Variants in CRYM observed in about 807,000 individuals in gnomAD.
The protein encoded by CRYM is ketimine reductase mu-crystallin.
A neutral mutation model predicts 32.9 loss-of-function variants in CRYM; 18 were observed. The ratio of observed to expected loss-of-function variants is 0.55; its 90% CI spans 0.38 to 0.81. CRYM has a LOEUF of 0.81. Among genes scored for constraint, CRYM ranks in the 30% least tolerant of loss-of-function variants. CRYM has a pLI of 0.00. For missense variants in CRYM, 337 were observed against 393.5 expected (o/e 0.86, Z 1.21); for synonymous variants, 153 against 152.4 (o/e 1.00, Z -0.03).
At chr16:21,278,008 C>T (rs995516412) in intron 1 of CRYM, 74 bp downstream of exon 1, 2 of 1,465,800 alleles carry the variant, frequency 1.4e-6, no homozygotes, top group Admixed American at 2.0e-5. Flanking sequence ...CCTTCTCCCA[C>T]CCCTCCTCTT....
Position 21,262,141 on chromosome 16 carries a change from G to T in CRYM, c.691C>A (p.Pro231Thr). The T allele has an allele frequency of 6.2e-7, 1 of 1,614,102 alleles. No individual in the cohort carries two copies. Among genetic ancestry groups the T allele is most frequent in the Non-Finnish European group, 8.5e-7 (1 of 1,179,990 alleles). ...AHINAVGASR[P>T]DWRELDDELM... is the part of the protein sequence containing the mutation. Reference sequence around the variant, plus strand: ...TCATCATCCAGTTCTCTCCAGTCAGGTCTGCTGGCTCCAACAGCTAAGAGA... The same window carrying T: ...TCATCATCCAGTTCTCTCCAGTCAGTTCTGCTGGCTCCAACAGCTAAGAGA... Residue 231 changes from proline (P) to threonine (T), a missense_variant, in exon 6 of 8, where the codon CCT becomes ACT. Physicochemically the swap from Pro to Thr is conservative, Grantham distance 38. Coordinates refer to ENST00000572914, the MANE Select transcript of CRYM (RefSeq NM_001376256.1).
Position 21,262,017 on chromosome 16 carries a change from T to C in CRYM, c.795+20A>G, listed in dbSNP as rs1567231094. Reference sequence around the variant, plus strand: ...AGGCCAGCCAGGTGGCAGCCCTGACTGGGGTCAGAAGGGCCTCACCCCTGA... The same window carrying C: ...AGGCCAGCCAGGTGGCAGCCCTGACCGGGGTCAGAAGGGCCTCACCCCTGA... On this transcript the variant is annotated intron_variant, in intron 6 of 7. Coordinates refer to ENST00000572914, the MANE Select transcript of CRYM (RefSeq NM_001376256.1). 1.9e-6 allele frequency: 3 copies of C among 1,613,468 alleles called. No homozygotes were observed. The highest frequency in any genetic ancestry group is 1.3e-5 in the African/African-American group (1 of 74,922).
At chr16:21,264,861 C>T (rs9935333) in intron 5 of CRYM, among the ~76,000 whole-genome samples, 9 of 152,100 alleles carry the variant, frequency 5.9e-5, no homozygotes, top group Non-Finnish European at 1.0e-4. Context: ...GGGCTCCCCC[C>T]ATCCTCCAGT....
In CRYM at chr16:21,277,603, CA is replaced by C; in HGVS notation, c.171-20del. On this transcript the variant is annotated intron_variant, in intron 1 of 7. Transcript: ENST00000572914. The surrounding 1 kb of genome is among the most constrained non-coding windows in gnomAD (Gnocchi z 4.2). ...CAGGTAGCTACAAGGAGAGAGGGAGCAGCTTCAGCCCCTTCCCATCAATGCT... is the reference window on the plus strand; with the variant it reads ...CAGGTAGCTACAAGGAGAGAGGGAGCGCTTCAGCCCCTTCCCATCAATGCT... 9 of 1,612,950 alleles carry C rather than the reference CA, an allele frequency of 5.6e-6. No individual in the cohort carries two copies. Among genetic ancestry groups the C allele is most frequent in the Non-Finnish European group, 7.6e-6 (9 of 1,179,912 alleles).
intron 1 of CRYM, among the ~76,000 whole-genome samples, chr16:21,292,360 A>T (rs969588862): frequency 2.0e-5 from 3 of 152,176 alleles, no homozygotes; most frequent in Non-Finnish European, 2.9e-5. Flanking sequence ...GGAAAATTTT[A>T]AAAAAGATGT....
chr16:21,288,208 G>A (rs1229546256), intron 1 of CRYM, among the ~76,000 whole-genome samples: 2 of 152,154 alleles, frequency 1.3e-5, no homozygotes, highest in Non-Finnish European at 2.9e-5. Context: ...TTAGATGTTT[G>A]GTGGAATTCA....
chr16:21,285,361 G>A (rs1197878303), intron 1 of CRYM, among the ~76,000 whole-genome samples: 2 of 152,226 alleles, frequency 1.3e-5, no homozygotes, highest in Non-Finnish European at 2.9e-5. Context: ...TTGCTTGGCT[G>A]TATCTGTAAT....
intron 1 of CRYM, among the ~76,000 whole-genome samples, chr16:21,294,372 A>G (rs2152865480): frequency 6.6e-6 from 1 of 152,302 alleles, no homozygotes; most frequent in South Asian, 2.1e-4. Context: ...TCCGGGATAC[A>G]TGTGCAGAAT....
At chr16:21,286,907 G>A (rs372708317) in intron 1 of CRYM, among the ~76,000 whole-genome samples, 15 of 151,878 alleles carry the variant, frequency 9.9e-5, no homozygotes, top group African/African-American at 3.1e-4. Flanking sequence ...TGGCTAACAC[G>A]GTGAAACCCC....
At chr16:21,294,326 G>A (rs967409204) in intron 1 of CRYM, among the ~76,000 whole-genome samples, 1 of 152,068 alleles carries the variant, frequency 6.6e-6, no homozygotes, top group East Asian at 1.9e-4. Flanking sequence ...GAATTTATTC[G>A]CAAATTATTA....
At chr16:21,274,669 G>A (rs1198737436) in intron 3 of CRYM, among the ~76,000 whole-genome samples, 1 of 151,918 alleles carries the variant, frequency 6.6e-6, no homozygotes, top group African/African-American at 2.4e-5. Flanking sequence ...GCAGTGGCTC[G>A]ATCTGGGCTC....
chr16:21,270,068 G>C (rs1443606712), intron 3 of CRYM, among the ~76,000 whole-genome samples, 177 bp from the exon 4 acceptor site: 1 of 152,138 alleles, frequency 6.6e-6, no homozygotes, highest in Non-Finnish European at 1.5e-5. Context: ...AGTGGGAAAA[G>C]AAGGAAGAAG....
intron 4 of CRYM, 41 bp downstream of exon 4, chr16:21,269,748 AC>A (rs775958222): frequency 4.0e-6 from 3 of 752,148 alleles, no homozygotes; most frequent in Non-Finnish European, 7.1e-6. Flanking sequence ...GTCAAGGACC[AC>A]CCCCTTCCCT....
At chr16:21,269,711 T>A in intron 4 of CRYM, 79 bp downstream of exon 4, 1 of 929,526 alleles carries the variant, frequency 1.1e-6, no homozygotes, top group South Asian at 1.3e-5. Flanking sequence ...CAGAATAACC[T>A]GTGGTGCAGT....
At chr16:21,264,097 C>G (rs1195856434) in intron 5 of CRYM, among the ~76,000 whole-genome samples, 1 of 152,204 alleles carries the variant, frequency 6.6e-6, no homozygotes, top group Non-Finnish European at 1.5e-5. Context: ...ATTTATATGC[C>G]TTCTTCCACT....
intron 4 of CRYM, 122 bp downstream of exon 4, chr16:21,269,668 A>T: frequency 1.5e-6 from 1 of 683,722 alleles, no homozygotes; most frequent in South Asian, 1.8e-5. Flanking sequence ...AGATACAAGA[A>T]TGGTCTAGAT....
In CRYM at chr16:21,258,699, G is replaced by T; in HGVS notation, c.*82C>A. On this transcript the variant is annotated 3_prime_UTR_variant, in exon 8 of 8. Transcript: ENST00000572914. ...CAAAAGGAGAGTTCACTGGGGACTGGACTCCCTCATTTACTCTAGAAATTA... is the reference window on the plus strand; with the variant it reads ...CAAAAGGAGAGTTCACTGGGGACTGTACTCCCTCATTTACTCTAGAAATTA... The T allele has an allele frequency of 2.6e-6, 3 of 1,153,626 alleles. No individual in the cohort carries two copies. The highest frequency in any genetic ancestry group is 3.9e-6 in the Non-Finnish European group (3 of 762,900). 71.5% of individuals were successfully genotyped at this position (1,153,626 alleles called of 1,614,324 possible).
In CRYM at chr16:21,277,277, G is replaced by T. The variant is rs2093388502; in HGVS notation, c.324+154C>A. Among the ~76,000 whole-genome samples, 1 of 152,182 alleles carries T rather than the reference G, an allele frequency of 6.6e-6. No individual in the cohort carries two copies. The highest frequency in any genetic ancestry group is 2.1e-4 in the South Asian group (1 of 4,832). On this transcript the variant is annotated intron_variant, in intron 2 of 7. Transcript: ENST00000572914. The surrounding 1 kb of genome is among the most constrained non-coding windows in gnomAD (Gnocchi z 4.2). ...AGGCAGTCCTAGAAATAGATACATG[G>T]ACACAGATAACCTTCACTGTTGCTG...
rs773464316 is a variant in CRYM, at chr16:21,258,693, G to C, written c.*88C>G. ...TAAGCACAAAAGGAGAGTTCACTGG[G>C]GACTGGACTCCCTCATTTACTCTAG... On this transcript the variant is annotated 3_prime_UTR_variant, in exon 8 of 8. Coordinates refer to ENST00000572914, the MANE Select transcript of CRYM (RefSeq NM_001376256.1). The C allele has an allele frequency of 9.2e-7, 1 of 1,091,546 alleles. No homozygotes were observed. Among genetic ancestry groups the C allele is most frequent in the African/African-American group, 1.5e-5 (1 of 64,832 alleles). 67.6% of individuals were successfully genotyped at this position (1,091,546 alleles called of 1,614,324 possible). A position where few individuals can be genotyped will look rare whatever the true frequency, so the allele number is the denominator to read the frequency against.
Sources: gnomAD v4.1 joint callset for allele counts (sites outside exome capture counted in the v4.1 genomes callset) on GRCh38, gnomAD v4.1.1 for gene constraint, Gnocchi (gnomAD v3.1) non-coding constraint, MANE v1.5 for transcripts, NCBI Gene and HGNC (gene_info 2026-07-23, HGNC 2026-07-21) for gene names.